HDAC1: variants seen among roughly 807,000 people sequenced by gnomAD.
The protein encoded by HDAC1 is histone deacetylase 1, also known as protein deacetylase HDAC1.
In HDAC1, 18 loss-of-function variants were observed where a neutral mutation model predicts 65.5. The ratio of observed to expected loss-of-function variants is 0.27; its 90% CI spans 0.19 to 0.41. The LOEUF (loss-of-function observed/expected upper bound fraction) is 0.41. Ranked by LOEUF, HDAC1 falls within the 10% of genes least tolerant of loss-of-function variation. The probability of loss-of-function intolerance (pLI) is 1.00; values close to 1 mark genes in which losing one functional copy is unlikely to be tolerated. For missense variants in HDAC1, 373 were observed against 625.2 expected, an observed-to-expected ratio of 0.60 and a Z score of 4.30; for synonymous variants, 211 against 227.9, an observed-to-expected ratio of 0.93 and a Z score of 0.67.
Position 32,326,881 on chromosome 1 carries a change from T to C in HDAC1, c.356-58T>C, listed in dbSNP as rs1008509508. The C allele has an allele frequency of 1.6e-5, 26 of 1,598,272 alleles. No homozygotes were observed. The Admixed American group carries it at 4.2e-4, about 26-fold the overall frequency. On this transcript the variant is annotated intron_variant, in intron 4 of 13. Transcript: ENST00000373548. ...CCTTTCACTAGGTTCCCTGGGCTTC[T>C]TGGAGGAAGGGGAGAGTGGCTTAGT...
In HDAC1 at chr1:32,327,563, C is replaced by T; in HGVS notation, c.522C>T (p.Asp174=). 6.2e-7 allele frequency: 1 copy of T among 1,613,414 alleles called. No individual in the cohort carries two copies. The change falls in exon 6 of 14, where the codon GAC becomes GAT. Residue 174 remains aspartate (D), a synonymous_variant. Transcript: ENST00000373548. This position sits in a 1 kb window ranked among gnomAD's most constrained non-coding sequence, Gnocchi z 6.0. ...LKYHQRVLYI[D]IDIHHGDGVE... is the part of the protein sequence containing the mutation. ...ATCACCAGAGGGTGCTGTACATTGA[C>T]ATTGATATTCACCATGGTGACGGCG...
chr1:32,329,237 A>G lies in HDAC1; in HGVS notation c.729+77A>G, dbSNP rs1641259767. On this transcript the variant is annotated intron_variant, in intron 7 of 13. Transcript: ENST00000373548. This position sits in a 1 kb window ranked among gnomAD's most constrained non-coding sequence, Gnocchi z 4.1. ...TGGAGGGGAGCAAAGCACCCCCACC[A>G]TACCTCAGGAATCTCTCCTTACTAA... 5.9e-6 allele frequency: 5 copies of G among 846,956 alleles called. No individual in the cohort carries two copies. Among genetic ancestry groups the G allele is most frequent in the South Asian group, 5.3e-5 (4 of 75,716 alleles). The allele number at this position is 846,956 out of a possible 1,614,324, so 52.5% of individuals were successfully genotyped here. A position where few individuals can be genotyped will look rare whatever the true frequency, so the allele number is the denominator to read the frequency against.
intron 1 of HDAC1, among the ~76,000 whole-genome samples, chr1:32,295,372 G>A (rs1640755181): frequency 6.6e-6 from 1 of 151,912 alleles, no homozygotes; most frequent in African/African-American, 2.4e-5. Context: ...GTGCACTCCA[G>A]CCTGGGGGAC....
chr1:32,310,844 G>A (rs1279436010), intron 2 of HDAC1, among the ~76,000 whole-genome samples: 2 of 148,618 alleles, frequency 1.3e-5, no homozygotes, highest in Admixed American at 6.7e-5. Flanking sequence ...AGTGAAAGTC[G>A]GTGAAAAAAA....
intron 4 of HDAC1, among the ~76,000 whole-genome samples, chr1:32,325,200 A>T (rs749192756): frequency 2.0e-5 from 3 of 152,232 alleles, no homozygotes; most frequent in South Asian, 2.1e-4. Flanking sequence ...AATCTGTCCT[A>T]TGAAAAAGTA....
intron 1 of HDAC1, among the ~76,000 whole-genome samples, chr1:32,299,620 T>C (rs958822152): frequency 1.4e-4 from 21 of 152,160 alleles, no homozygotes; most frequent in African/African-American, 4.8e-4. Flanking sequence ...TGCCTAGAGC[T>C]CTGCCTCATC....
chr1:32,327,717 C>A lies in HDAC1; in HGVS notation c.636+40C>A. The A allele has an allele frequency of 6.2e-7, 1 of 1,602,882 alleles. No homozygotes were observed. Among genetic ancestry groups the A allele is most frequent in the South Asian group, 1.1e-5 (1 of 90,832 alleles). ...TAGGAGCCAACCGGCTTACCCTCAG[C>A]TGGCAGCTCTACTTCTCTCTCCTAT... On this transcript the variant is annotated intron_variant, in intron 6 of 13. Transcript: ENST00000373548. This position sits in a 1 kb window ranked among gnomAD's most constrained non-coding sequence, Gnocchi z 6.0.
chr1:32,292,416 G>T, intron 1 of HDAC1, 198 bp downstream of exon 1: 1 of 985,320 alleles, frequency 1.0e-6, no homozygotes, highest in Non-Finnish European at 1.2e-6. Context: ...ACCAAGAGGG[G>T]ATCGCGTGGG....
At chr1:32,307,942 A>AAT (rs1283913164) in intron 2 of HDAC1, among the ~76,000 whole-genome samples, 1 of 152,214 alleles carries the variant, frequency 6.6e-6, no homozygotes, top group Non-Finnish European at 1.5e-5. Context: ...TTTGGAGTAT[A>AAT]ATATTTGTGA....
At chr1:32,292,543 G>T (rs1640711570) in intron 1 of HDAC1, 1 of 568,900 alleles carries the variant, frequency 1.8e-6, no homozygotes, top group Non-Finnish European at 2.2e-6. Context: ...TGATGGAGAC[G>T]GCTGCAAGGA....
chr1:32,295,826 G>C (rs1015315848), intron 1 of HDAC1, among the ~76,000 whole-genome samples: 12 of 152,114 alleles, frequency 7.9e-5, no homozygotes, highest in African/African-American at 2.9e-4. Flanking sequence ...GTCCAGGCTG[G>C]CCTTGAAGTC....
At position 32,292,102 on chromosome 1, in the gene HDAC1, A is replaced by G. The variant is rs1278845430; in HGVS notation, c.-68A>G. On this transcript the variant is annotated 5_prime_UTR_variant, in exon 1 of 14. Transcript: ENST00000373548. ...GCCCGCCCCCTCCCCCCTGGGTCGG[A>G]CGCTGAGCGGAGCCGCGGGCGGGAG... is the stretch of plus-strand genomic sequence containing the variant. The G allele has an allele frequency of 6.8e-7, 1 of 1,478,788 alleles. No individual in the cohort carries two copies. 91.6% of individuals were successfully genotyped at this position (1,478,788 alleles called of 1,614,324 possible). A position where few individuals can be genotyped will look rare whatever the true frequency, so the allele number is the denominator to read the frequency against.
chr1:32,324,944 C>A (rs1641197945), intron 4 of HDAC1, among the ~76,000 whole-genome samples: 1 of 151,914 alleles, frequency 6.6e-6, no homozygotes, highest in Admixed American at 6.6e-5. Context: ...CTAGCCTGGG[C>A]AACAAAGCAA....
At position 32,331,745 on chromosome 1, in the gene HDAC1, G is replaced by A. The variant is rs1570042695; in HGVS notation, c.1158G>A (p.Glu386=). 2 of 1,614,138 alleles carry A rather than the reference G, an allele frequency of 1.2e-6. No individual in the cohort carries two copies. Among genetic ancestry groups the A allele is most frequent in the Non-Finnish European group, 8.5e-7 (1 of 1,180,014 alleles). Residue 386 remains glutamate, a synonymous_variant, in exon 11 of 14, where the codon GAG becomes GAA. Coordinates refer to ENST00000373548, the MANE Select transcript of HDAC1 (RefSeq NM_004964.3). This position sits in a 1 kb window ranked among gnomAD's most constrained non-coding sequence, Gnocchi z 4.2. ...APGVQMQAIP[E]DAIPEESGDE... ...GGGTCCAAATGCAGGCGATTCCTGAGGACGCCATCCCTGAGGAGAGTGGCG... is the reference window on the plus strand; with the variant it reads ...GGGTCCAAATGCAGGCGATTCCTGAAGACGCCATCCCTGAGGAGAGTGGCG...
chr1:32,303,866 A>T (rs1640880176), intron 2 of HDAC1, among the ~76,000 whole-genome samples: 1 of 152,210 alleles, frequency 6.6e-6, no homozygotes, highest in South Asian at 2.1e-4. Flanking sequence ...TGTCTCAAAA[A>T]AAAAGTTAAC....
At chr1:32,320,526 G>C (rs749978119) in intron 3 of HDAC1, among the ~76,000 whole-genome samples, 4 of 152,134 alleles carry the variant, frequency 2.6e-5, no homozygotes, top group Admixed American at 6.6e-5. Flanking sequence ...CAGTCACACA[G>C]CAAGGTGATG....
intron 6 of HDAC1, among the ~76,000 whole-genome samples, chr1:32,328,381 G>A (rs1019125001): frequency 2.0e-5 from 3 of 151,596 alleles, no homozygotes; most frequent in Admixed American, 6.6e-5. Flanking sequence ...GCGTGATCTC[G>A]GTTCACTGCA....
intron 1 of HDAC1, among the ~76,000 whole-genome samples, chr1:32,292,835 C>T (rs113575554): frequency 4.6e-5 from 7 of 151,820 alleles, no homozygotes; most frequent in Non-Finnish European, 1.0e-4. Context: ...TCCCAGTGAC[C>T]GAAGTTCTCT....
chr1:32,330,966 C>T lies in HDAC1; in HGVS notation c.979+58C>T, dbSNP rs1641283486. 3.8e-6 allele frequency: 6 copies of T among 1,576,038 alleles called. No individual in the cohort carries two copies. The highest frequency in any genetic ancestry group is 4.4e-6 in the Non-Finnish European group (5 of 1,146,946). On this transcript the variant is annotated intron_variant, in intron 9 of 13. Transcript: ENST00000373548. The surrounding 1 kb of genome is among the most constrained non-coding windows in gnomAD (Gnocchi z 4.2). ...GGGTGGGAGCTGGAGCTCATCTGTC[C>T]TTAAGTTTATAACCCCTTCCCCGTT...
Sources: gnomAD v4.1 joint callset for allele counts (sites outside exome capture counted in the v4.1 genomes callset) on GRCh38, gnomAD v4.1.1 for gene constraint, Gnocchi (gnomAD v3.1) non-coding constraint, MANE v1.5 for transcripts, NCBI Gene and HGNC (gene_info 2026-07-23, HGNC 2026-07-21) for gene names.